The following RALGAPA2 variants were observed in gnomAD, a reference collection of about 807,000 sequenced individuals.
RALGAPA2 encodes Ral GTPase activating protein catalytic subunit alpha 2.
Under a neutral mutation model 230.4 loss-of-function variants are expected in RALGAPA2, and 139 were observed. That is an observed-to-expected ratio of 0.60 (90% CI 0.53 to 0.69). The LOEUF (loss-of-function observed/expected upper bound fraction) is 0.69. Ranked by LOEUF, RALGAPA2 falls within the 30% of genes least tolerant of loss-of-function variation. The pLI is 0.00. For synonymous variants in RALGAPA2, 847 were observed against 837.8 expected (o/e 1.01, Z -0.19); for missense variants, 2,163 against 2,276.0 (o/e 0.95, Z 1.01).
chr20:20,520,875 CT>C, intron 31 of RALGAPA2, 41 bp downstream of exon 31: 1 of 1,460,840 alleles, frequency 6.8e-7, no homozygotes, highest in African/African-American at 1.4e-5. Context: ...TAAATCCTTC[CT>C]TTTCCTTCCC....
chr20:20,546,316 A>G (rs1360255886), intron 24 of RALGAPA2, among the ~76,000 whole-genome samples: 2 of 152,218 alleles, frequency 1.3e-5, no homozygotes, highest in Admixed American at 6.5e-5. Context: ...TATAATAACC[A>G]AGACTTAATT....
intron 27 of RALGAPA2, 38 bp downstream of exon 27, chr20:20,531,649 T>C (rs768805263): frequency 6.9e-7 from 1 of 1,459,092 alleles, no homozygotes; most frequent in Non-Finnish European, 9.5e-7. Flanking sequence ...GCCTCAGATA[T>C]GGCTTAATAT....
chr20:20,677,581 G>T (rs1372062438), intron 2 of RALGAPA2, among the ~76,000 whole-genome samples: 1 of 146,834 alleles, frequency 6.8e-6, no homozygotes, highest in African/African-American at 2.5e-5. Flanking sequence ...AACAGGGAAT[G>T]AGAACCCGTT....
intron 38 of RALGAPA2, among the ~76,000 whole-genome samples, chr20:20,401,651 T>C (rs1445850019): frequency 1.3e-5 from 2 of 152,090 alleles, no homozygotes; most frequent in Non-Finnish European, 2.9e-5. Context: ...CTCAAGAAAA[T>C]GTAGCAGTTA....
At chr20:20,551,758 T>G (rs2063931273) in intron 23 of RALGAPA2, among the ~76,000 whole-genome samples, 1 of 152,234 alleles carries the variant, frequency 6.6e-6, no homozygotes, top group South Asian at 2.1e-4. Context: ...ATTGGTTTAT[T>G]CATTTTGCAT....
chr20:20,582,226 T>A (rs1379086567), intron 20 of RALGAPA2, among the ~76,000 whole-genome samples: 1 of 151,170 alleles, frequency 6.6e-6, no homozygotes, highest in Non-Finnish European at 1.5e-5. Flanking sequence ...AACTGCAGAC[T>A]ACACCACACA....
chr20:20,558,904 G>A (rs920605151), intron 23 of RALGAPA2, among the ~76,000 whole-genome samples: 2 of 151,724 alleles, frequency 1.3e-5, no homozygotes, highest in African/African-American at 4.8e-5. Context: ...TGGTGAAATC[G>A]GGAAGCCTGG....
At chr20:20,667,949 T>C (rs1286264671) in intron 3 of RALGAPA2, among the ~76,000 whole-genome samples, 2 of 152,158 alleles carry the variant, frequency 1.3e-5, no homozygotes, top group Non-Finnish European at 2.9e-5. Flanking sequence ...TAAATGCTCA[T>C]TCCCCTCAGC....
At chr20:20,571,419 C>T (rs767554958) in intron 23 of RALGAPA2, 39 bp downstream of exon 23, 1 of 1,563,242 alleles carries the variant, frequency 6.4e-7, no homozygotes, top group Admixed American at 1.8e-5. Flanking sequence ...ATGCTATTTC[C>T]AATTAATGGG....
chr20:20,524,080 C>T (rs1006387064), intron 30 of RALGAPA2, among the ~76,000 whole-genome samples: 5 of 152,100 alleles, frequency 3.3e-5, no homozygotes, highest in Non-Finnish European at 7.3e-5. Flanking sequence ...CCTCAGCCTC[C>T]GGGGTAGCTG....
chr20:20,448,799 G>A (rs1365211745), intron 37 of RALGAPA2, among the ~76,000 whole-genome samples: 1 of 149,244 alleles, frequency 6.7e-6, no homozygotes, highest in East Asian at 2.0e-4. Context: ...TCAGTGAAGA[G>A]AATGACTATG....
intron 37 of RALGAPA2, among the ~76,000 whole-genome samples, chr20:20,438,762 A>G (rs1249858651): frequency 1.3e-5 from 2 of 152,262 alleles, no homozygotes; most frequent in Non-Finnish European, 2.9e-5. Context: ...TCAGACTAAA[A>G]GACGGACTAA....
intron 23 of RALGAPA2, among the ~76,000 whole-genome samples, chr20:20,567,120 A>G (rs990840752): frequency 6.6e-6 from 1 of 152,268 alleles, no homozygotes; most frequent in African/African-American, 2.4e-5. Flanking sequence ...TTGTTAAAAA[A>G]TAGCTCACTT....
intron 10 of RALGAPA2, among the ~76,000 whole-genome samples, chr20:20,624,375 A>G (rs1281398074): frequency 6.6e-6 from 1 of 151,132 alleles, no homozygotes; most frequent in African/African-American, 2.4e-5. Flanking sequence ...AACCTTCCCC[A>G]TCATAAAAGG....
Position 20,629,503 on chromosome 20 carries a change from T to G in RALGAPA2, c.1093A>C (p.Ser365Arg). 6.2e-7 allele frequency: 1 copy of G among 1,614,022 alleles called. No individual in the cohort carries two copies. Among genetic ancestry groups the G allele is most frequent in the Non-Finnish European group, 8.5e-7 (1 of 1,179,898 alleles). Residue 365 changes from serine to arginine, a missense_variant, in exon 10 of 40, where the codon AGC becomes CGC. Coordinates refer to ENST00000202677, the MANE Select transcript of RALGAPA2 (RefSeq NM_020343.4). Reference sequence around the variant, plus strand: ...CTGAGTCTTCGGTCCGACAAGGTGCTGCTGTTAGAATGGCTTTTGTCCTGC... The same window carrying G: ...CTGAGTCTTCGGTCCGACAAGGTGCGGCTGTTAGAATGGCTTTTGTCCTGC... ...TEQDKSHSNSSTLSDRRLSNS... is the reference protein window; with the variant it reads ...TEQDKSHSNSRTLSDRRLSNS...
At chr20:20,450,003 T>A (rs2060952198) in intron 37 of RALGAPA2, among the ~76,000 whole-genome samples, 1 of 152,228 alleles carries the variant, frequency 6.6e-6, no homozygotes, top group Non-Finnish European at 1.5e-5. Flanking sequence ...CAGATGATAC[T>A]CTTATTTTCA....
intron 36 of RALGAPA2, among the ~76,000 whole-genome samples, chr20:20,474,585 A>C (rs2061609751): frequency 6.6e-6 from 1 of 152,196 alleles, no homozygotes; most frequent in African/African-American, 2.4e-5. Flanking sequence ...AAGGTGACAG[A>C]TATATTTTGA....
At chr20:20,497,947 G>A (rs564691880) in intron 35 of RALGAPA2, among the ~76,000 whole-genome samples, 3 of 152,316 alleles carry the variant, frequency 2.0e-5, no homozygotes, top group South Asian at 2.1e-4. Flanking sequence ...GGGAGCAATC[G>A]GCTGATAAAT....
intron 33 of RALGAPA2, among the ~76,000 whole-genome samples, chr20:20,508,463 T>C (rs778477450): frequency 1.9e-4 from 29 of 152,180 alleles, no homozygotes; most frequent in Non-Finnish European, 2.9e-5. Flanking sequence ...AAGAAAAGCA[T>C]GATTTTAACA....
Sources: gnomAD v4.1 joint callset for allele counts (sites outside exome capture counted in the v4.1 genomes callset) on GRCh38, gnomAD v4.1.1 for gene constraint, MANE v1.5 for transcripts, NCBI Gene and HGNC (gene_info 2026-07-23, HGNC 2026-07-21) for gene names.